Variants in ATP9B observed in about 807,000 individuals in gnomAD.
ATP9B encodes ATPase phospholipid transporting 9B, also known as probable phospholipid-transporting ATPase IIB.
A neutral mutation model predicts 146.1 loss-of-function variants in ATP9B; 110 were observed. That is an observed-to-expected ratio of 0.75 (90% CI 0.65 to 0.88). The LOEUF (loss-of-function observed/expected upper bound fraction) is 0.88. Ranked by LOEUF, ATP9B falls within the 40% of genes least tolerant of loss-of-function variation. ATP9B has a pLI of 0.00. For synonymous variants in ATP9B, 604 were observed against 569.7 expected, an observed-to-expected ratio of 1.06 and a Z score of -0.86; for missense variants, 1,499 against 1,496.4, an observed-to-expected ratio of 1.00 and a Z score of -0.03.
At chr18:79,263,569 C>T (rs767373284) in intron 12 of ATP9B, among the ~76,000 whole-genome samples, 1 of 152,142 alleles carries the variant, frequency 6.6e-6, no homozygotes, top group Non-Finnish European at 1.5e-5. Context: ...TTCTTTTTGT[C>T]TTATTCCTTT....
At chr18:79,137,096 T>C (rs1321592634) in intron 5 of ATP9B, among the ~76,000 whole-genome samples, 1 of 152,192 alleles carries the variant, frequency 6.6e-6, no homozygotes, top group African/African-American at 2.4e-5. Context: ...ATACTTTAAT[T>C]TCATTTGTTG....
chr18:79,303,709 A>G lies in ATP9B; in HGVS notation c.1517A>G (p.Tyr506Cys). The change falls in exon 14 of 30, where the codon TAC becomes TGC. Residue 506 changes from tyrosine (Y) to cysteine (C), a missense_variant. Physicochemically the swap from Tyr to Cys is radical, Grantham distance 194. Transcript: ENST00000426216. ...DEIQSHVRDSYSQMQSQAGGN... is the reference protein window; with the variant it reads ...DEIQSHVRDSCSQMQSQAGGN... Reference sequence around the variant, plus strand: ...ATCCAGAGCCATGTCAGGGACTCCTACTCACAGGTAAGTGGGTTCCTCCTG... The same window carrying G: ...ATCCAGAGCCATGTCAGGGACTCCTGCTCACAGGTAAGTGGGTTCCTCCTG... The G allele has an allele frequency of 1.9e-6, 3 of 1,613,392 alleles. No homozygotes were observed. The highest frequency in any genetic ancestry group is 2.2e-5 in the East Asian group (1 of 44,856).
intron 7 of ATP9B, among the ~76,000 whole-genome samples, chr18:79,163,063 C>A (rs939502127): frequency 2.0e-5 from 3 of 152,124 alleles, no homozygotes; most frequent in Admixed American, 2.0e-4. Flanking sequence ...ACATTTTTTG[C>A]TGAGCCTTAA....
At chr18:79,333,012 A>G (rs760030833) in intron 17 of ATP9B, 2 of 152,272 alleles carry the variant, frequency 1.3e-5, no homozygotes, top group Non-Finnish European at 2.9e-5. Flanking sequence ...GAAGAGTTCA[A>G]TAATGTTTAT....
chr18:79,277,972 G>A (rs538596618), intron 13 of ATP9B, among the ~76,000 whole-genome samples: 1 of 152,314 alleles, frequency 6.6e-6, no homozygotes, highest in Admixed American at 6.5e-5. Context: ...CAAGAGGACA[G>A]AGAAATCTGC....
At chr18:79,334,049 G>T (rs1192941379) in intron 17 of ATP9B, among the ~76,000 whole-genome samples, 1 of 152,156 alleles carries the variant, frequency 6.6e-6, no homozygotes, top group Non-Finnish European at 1.5e-5. Flanking sequence ...CTTAAAGTAT[G>T]TTAGCCCTAA....
Position 79,346,231 on chromosome 18 carries a change from T to C in ATP9B, c.2682+392T>C, listed in dbSNP as rs373750187. On this transcript the variant is annotated intron_variant, in intron 23 of 29. Transcript: ENST00000426216. Reference sequence around the variant, plus strand: ...CACACTCGGTCAGCGCACGTCAGCATGTGCTCAGCGCACAGTCAGCACACA... The same window carrying C: ...CACACTCGGTCAGCGCACGTCAGCACGTGCTCAGCGCACAGTCAGCACACA... 2.7e-3 allele frequency among the ~76,000 whole-genome samples: 380 copies of C among 141,594 alleles called. 2 individuals carry two copies. Among genetic ancestry groups the C allele is most frequent in the African/African-American group, 8.8e-3 (335 of 37,908 alleles). The allele number at this position is 141,594 out of a possible 152,430, so 92.9% of individuals were successfully genotyped here. A position where few individuals can be genotyped will look rare whatever the true frequency, so the allele number is the denominator to read the frequency against.
At chr18:79,072,297 G>A (rs934994129) in intron 1 of ATP9B, among the ~76,000 whole-genome samples, 6 of 151,946 alleles carry the variant, frequency 3.9e-5, no homozygotes, top group Non-Finnish European at 8.8e-5. Flanking sequence ...AGGACCCTGC[G>A]GCCTTCCGCA....
chr18:79,248,800 G>T (rs904770157), intron 11 of ATP9B, among the ~76,000 whole-genome samples: 1 of 152,228 alleles, frequency 6.6e-6, no homozygotes, highest in Non-Finnish European at 1.5e-5. Flanking sequence ...TTTGTAAGGG[G>T]TAAGTACGCG....
intron 2 of ATP9B, among the ~76,000 whole-genome samples, chr18:79,102,156 G>T (rs1334328840): frequency 6.6e-6 from 1 of 152,004 alleles, no homozygotes. Context: ...TCACCATGTT[G>T]CCAGTCTGTA....
chr18:79,175,208 A>C (rs1600174567), intron 7 of ATP9B, among the ~76,000 whole-genome samples: 1 of 151,530 alleles, frequency 6.6e-6, no homozygotes, highest in African/African-American at 2.4e-5. Flanking sequence ...AAAAAAAAAA[A>C]AAAAAGAAAA....
intron 5 of ATP9B, among the ~76,000 whole-genome samples, chr18:79,130,509 GGAGA>G (rs141512058): frequency 9.8e-4 from 149 of 151,302 alleles, no homozygotes; most frequent in Middle Eastern, 3.4e-3. Context: ...AAGAAGTCGA[GGAGA>G]GAGAGAGAGG....
At position 79,321,220 on chromosome 18, in the gene ATP9B, T is replaced by G. The variant is rs1178503449; in HGVS notation, c.1774-7921T>G. ...AGCTCAAAACCAAAACCGGAGAATCTGCCGTGTCCGTGGGAACCAGCCGTT... is the reference window on the plus strand; with the variant it reads ...AGCTCAAAACCAAAACCGGAGAATCGGCCGTGTCCGTGGGAACCAGCCGTT... On this transcript the variant is annotated intron_variant, in intron 15 of 29. Transcript: ENST00000426216. 2.0e-5 allele frequency among the ~76,000 whole-genome samples: 3 copies of G among 152,206 alleles called. No homozygotes were observed. The East Asian group carries it at 5.8e-4, about 29-fold the overall frequency.
At position 79,337,281 on chromosome 18, in the gene ATP9B, C is replaced by T; in HGVS notation, c.2115C>T (p.Ser705=). 6.2e-7 allele frequency: 1 copy of T among 1,613,876 alleles called. No individual in the cohort carries two copies. Among genetic ancestry groups the T allele is most frequent in the Non-Finnish European group, 8.5e-7 (1 of 1,179,948 alleles). ...GGCGCCTCCCCCTCTGTCCCCAGAGCCGATACACTCAAGCCAAGCTGAGCA... is the reference window on the plus strand; with the variant it reads ...GGCGCCTCCCCCTCTGTCCCCAGAGTCGATACACTCAAGCCAAGCTGAGCA... The part of the protein sequence containing the change: ...LTEEQYQDFE[S]RYTQAKLSMH... Residue 705 remains serine, a splice_region_variant and synonymous_variant, in exon 19 of 30, where the codon AGC becomes AGT. Transcript: ENST00000426216.
intron 26 of ATP9B, chr18:79,363,950 C>T (rs4798905): frequency 0.39 from 58,851 of 151,920 alleles, 11,558 homozygotes; most frequent in Middle Eastern, 0.54. Context: ...CAAGGGAACT[C>T]GAATTGCCAA....
At chr18:79,146,878 AGAC>A (rs2094599729) in intron 6 of ATP9B, 1 of 152,580 alleles carries the variant, frequency 6.6e-6, no homozygotes, top group Non-Finnish European at 1.5e-5. Flanking sequence ...AATAAAATGC[AGAC>A]GTACGTTCTA....
intron 12 of ATP9B, among the ~76,000 whole-genome samples, chr18:79,263,083 T>C (rs1331812082): frequency 6.6e-6 from 1 of 152,252 alleles, no homozygotes; most frequent in Non-Finnish European, 1.5e-5. Context: ...TTACAATTTT[T>C]ATTTCATTTT....
At chr18:79,350,610 T>G (rs1382380398) in intron 25 of ATP9B, among the ~76,000 whole-genome samples, 2 of 152,228 alleles carry the variant, frequency 1.3e-5, no homozygotes, top group Admixed American at 1.3e-4. Flanking sequence ...GAAATGGTGG[T>G]AGGATTTGTG....
chr18:79,086,420 A>G (rs1296404797), intron 1 of ATP9B: 1 of 101,734 alleles, frequency 9.8e-6, no homozygotes, highest in Non-Finnish European at 1.8e-5. Context: ...TGGGAGACAG[A>G]GCAAGGCTCT....
Sources: allele counts gnomAD v4.1 joint callset (sites outside exome capture counted in the v4.1 genomes callset), GRCh38; gene constraint gnomAD v4.1.1; transcripts MANE v1.5; gene names NCBI Gene and HGNC (gene_info 2026-07-23, HGNC 2026-07-21).